CDR2L: variants seen among roughly 807,000 people sequenced by gnomAD.
CDR2L encodes cerebellar degeneration-related protein 2-like.
Under a neutral mutation model 36.1 loss-of-function variants are expected in CDR2L, and 19 were observed. That is an observed-to-expected ratio of 0.53 (90% CI 0.37 to 0.77). The LOEUF (loss-of-function observed/expected upper bound fraction) is 0.77, where lower values mean the gene tolerates loss of function less well. CDR2L is among the 30% of genes least tolerant of loss of function. The pLI is 0.00. For missense variants in CDR2L, 575 were observed against 627.2 expected, an observed-to-expected ratio of 0.92 and a Z score of 0.89; for synonymous variants, 285 against 280.4, an observed-to-expected ratio of 1.02 and a Z score of -0.16.
intron 1 of CDR2L, among the ~76,000 whole-genome samples, chr17:74,990,601 G>A (rs1255591391): frequency 6.6e-6 from 1 of 152,258 alleles, no homozygotes; most frequent in African/African-American, 2.4e-5. Context: ...CTCCCCAGGA[G>A]AGGGAGGGAA....
rs2039782466 is a variant in CDR2L, at chr17:74,989,410, A to ACACACACACACACACACACAC, written c.79+1288_79+1289insCACACACACACACACACACAC. Among the ~76,000 whole-genome samples, 1 of 130,684 alleles carries ACACACACACACACACACACAC rather than the reference A, an allele frequency of 7.7e-6. No homozygotes were observed. The highest frequency in any genetic ancestry group is 3.0e-5 in the African/African-American group (1 of 33,300). The allele number at this position is 130,684 out of a possible 152,430, so 85.7% of individuals were successfully genotyped here. Reference sequence around the variant, plus strand: ...CTGAAATGAGATACAGCTCCTCTCAAACACACACACACACACACACACACA... The same window carrying ACACACACACACACACACACAC: ...CTGAAATGAGATACAGCTCCTCTCAACACACACACACACACACACACACACACACACACACACACACACACA... On this transcript the variant is annotated intron_variant, in intron 1 of 4. Transcript: ENST00000337231. The surrounding 1 kb of genome is among the most constrained non-coding windows in gnomAD (Gnocchi z 4.2).
At chr17:74,991,228 C>A (rs2039794823) in intron 1 of CDR2L, among the ~76,000 whole-genome samples, 1 of 151,502 alleles carries the variant, frequency 6.6e-6, no homozygotes, top group African/African-American at 2.4e-5. Context: ...CATGGAGAAA[C>A]CCCGTCTCTA....
At position 75,003,347 on chromosome 17, in the gene CDR2L, T is replaced by G; in HGVS notation, c.671T>G (p.Leu224Arg). The G allele has an allele frequency of 6.4e-7, 1 of 1,557,410 alleles. No individual in the cohort carries two copies. The part of the protein sequence containing the change: ...ERAEREYTAV[L>R]QEYSELERQL... Reference sequence around the variant, plus strand: ...GCGGAGCGCGAGTACACCGCGGTGCTGCAGGAGTACTCGGAGCTGGAGCGC... The same window carrying G: ...GCGGAGCGCGAGTACACCGCGGTGCGGCAGGAGTACTCGGAGCTGGAGCGC... Residue 224 changes from leucine to arginine, a missense_variant, in exon 5 of 5, where the codon CTG becomes CGG. By Grantham distance (102) the Leu-to-Arg change is moderately radical. Transcript: ENST00000337231.
At chr17:74,995,101 T>C (rs2039817212) in intron 1 of CDR2L, among the ~76,000 whole-genome samples, 1 of 150,842 alleles carries the variant, frequency 6.6e-6, no homozygotes, top group African/African-American at 2.4e-5. Flanking sequence ...GGGGTCTCAC[T>C]GTGTTTCCCA....
chr17:75,003,236 C>A lies in CDR2L; in HGVS notation c.560C>A (p.Pro187His). Residue 187 changes from proline to histidine, a missense_variant, in exon 5 of 5, where the codon CCC becomes CAC. Physicochemically the swap from Pro to His is moderately conservative, Grantham distance 77. Coordinates refer to ENST00000337231, the MANE Select transcript of CDR2L (RefSeq NM_014603.3). ...TCCTCCCTGGAGCTGGGCCCGCGGC[C>A]CCTGGAGCAGGAGAACGAGCGGCTG... is the stretch of plus-strand genomic sequence containing the variant. ...HSSSLELGPR[P>H]LEQENERLQT... 1.3e-6 allele frequency: 2 copies of A among 1,565,036 alleles called. No homozygotes were observed. The highest frequency in any genetic ancestry group is 8.7e-7 in the Non-Finnish European group (1 of 1,155,748).
chr17:74,990,845 A>G (rs932942246), intron 1 of CDR2L, among the ~76,000 whole-genome samples: 1 of 152,216 alleles, frequency 6.6e-6, no homozygotes, highest in Admixed American at 6.5e-5. Flanking sequence ...GCATCTCCCA[A>G]CCCACAAATT....
chr17:74,993,519 G>A (rs547002713), intron 1 of CDR2L, among the ~76,000 whole-genome samples: 1 of 152,246 alleles, frequency 6.6e-6, no homozygotes, highest in Non-Finnish European at 1.5e-5. Flanking sequence ...TTTACAATTT[G>A]TAGATACCTC....
Position 75,001,410 on chromosome 17 carries a change from G to A in CDR2L, c.262G>A (p.Asp88Asn). The change falls in exon 3 of 5, where the codon GAC becomes AAC. Residue 88 changes from aspartate to asparagine, a missense_variant. Transcript: ENST00000337231. ...GCACGCCAAAGTCTATGAGCAGCTG[G>A]ACCTGACAGCCCGGGACCTGGAGCT... ...EQHAKVYEQL[D>N]LTARDLELTN... The A allele has an allele frequency of 6.2e-7, 1 of 1,610,682 alleles. No homozygotes were observed. Among genetic ancestry groups the A allele is most frequent in the Non-Finnish European group, 8.5e-7 (1 of 1,178,870 alleles).
At position 74,999,510 on chromosome 17, in the gene CDR2L, A is replaced by G; in HGVS notation, c.86A>G (p.His29Arg). Residue 29 changes from histidine (H) to arginine (R), a missense_variant, in exon 2 of 5, where the codon CAC becomes CGC. By Grantham distance (29) the His-to-Arg change is conservative (BLOSUM62 0). Coordinates refer to ENST00000337231, the MANE Select transcript of CDR2L (RefSeq NM_014603.3). The part of the protein sequence containing the change: ...YDQQDLEQDL[H>R]LAAELGKTLL... ...CGTGTTTCTCCTATCCTAGACTTGC[A>G]CCTAGCTGCGGAGCTGGGGAAGACT... 6.4e-7 allele frequency: 1 copy of G among 1,568,822 alleles called. No homozygotes were observed. The highest frequency in any genetic ancestry group is 8.6e-7 in the Non-Finnish European group (1 of 1,156,492).
At position 75,004,289 on chromosome 17, in the gene CDR2L, G is replaced by A. The variant is rs1014611828; in HGVS notation, c.*215G>A. The A allele has an allele frequency of 5.5e-6, 3 of 540,870 alleles. No homozygotes were observed. In the African/African-American group the frequency reaches 5.8e-5, roughly 10 times the overall value. 33.5% of individuals were successfully genotyped at this position (540,870 alleles called of 1,614,324 possible). ...CTTGGCCACCTCGCGCCAGCCCAAA[G>A]GCGCAGCTCTGAGTTCAAAGCCAAA... On this transcript the variant is annotated 3_prime_UTR_variant, in exon 5 of 5. Coordinates refer to ENST00000337231, the MANE Select transcript of CDR2L (RefSeq NM_014603.3).
Position 75,002,084 on chromosome 17 carries a change from G to A in CDR2L, c.362G>A (p.Arg121His), listed in dbSNP as rs139957978. ...CCCAGGCTGACGGAGACCATTGAGC[G>A]CCTCCAGGCTCAGGTGGAGGAGCTG... is the stretch of plus-strand genomic sequence containing the variant. ...KIHGLTETIE[R>H]LQAQVEELQA... Residue 121 changes from arginine (R) to histidine (H), a missense_variant, in exon 4 of 5, where the codon CGC becomes CAC. Physicochemically the swap from Arg to His is conservative, Grantham distance 29. Transcript: ENST00000337231. The surrounding 1 kb of genome is among the most constrained non-coding windows in gnomAD (Gnocchi z 4.1). 3.1e-5 allele frequency: 50 copies of A among 1,595,230 alleles called. No individual in the cohort carries two copies. The highest frequency in any genetic ancestry group is 4.1e-5 in the Non-Finnish European group (48 of 1,172,928).
Position 75,004,427 on chromosome 17 carries a change from CTT to C in CDR2L, c.*367_*368del, listed in dbSNP as rs5822063. ...CTGAAAGCCATTCTGGATCAGTTGGCTTTTTTTTTTTTTTTGGTTAAGTTTGT... is the reference window on the plus strand; with the variant it reads ...CTGAAAGCCATTCTGGATCAGTTGGCTTTTTTTTTTTTTGGTTAAGTTTGT... On this transcript the variant is annotated 3_prime_UTR_variant, in exon 5 of 5. Transcript: ENST00000337231. The C allele has an allele frequency of 0.068, 10,545 of 156,022 alleles. 460 individuals carry two copies. Among genetic ancestry groups the C allele is most frequent in the African/African-American group, 0.14 (5,760 of 40,112 alleles). The allele number at this position is 156,022 out of a possible 1,614,324, so 9.7% of individuals were successfully genotyped here. A position where few individuals can be genotyped will look rare whatever the true frequency, so the allele number is the denominator to read the frequency against.
intron 1 of CDR2L, 79 bp from the exon 2 acceptor site, chr17:74,999,425 G>A (rs2039850783): frequency 1.1e-6 from 1 of 938,894 alleles, no homozygotes. Context: ...GTTACATTGG[G>A]GTCACCTAGA....
At position 74,988,060 on chromosome 17, in the gene CDR2L, G is replaced by A; in HGVS notation, c.17G>A (p.Gly6Glu). Residue 6 changes from glycine to glutamate, a missense_variant, in exon 1 of 5, where the codon GGG becomes GAG. Coordinates refer to ENST00000337231, the MANE Select transcript of CDR2L (RefSeq NM_014603.3). MRRAA[G>E]MEDFSAEEEE... ...CGCGGGGCCATGCGGAGAGCCGCCG[G>A]GATGGAGGACTTCTCCGCGGAGGAA... 1 of 1,527,560 alleles carries A rather than the reference G, an allele frequency of 6.5e-7. No individual in the cohort carries two copies. The highest frequency in any genetic ancestry group is 2.7e-5 in the East Asian group (1 of 37,182). 94.6% of individuals were successfully genotyped at this position (1,527,560 alleles called of 1,614,324 possible). A position where few individuals can be genotyped will look rare whatever the true frequency, so the allele number is the denominator to read the frequency against.
In CDR2L at chr17:75,002,982, G is replaced by C. The variant is rs533116648; in HGVS notation, c.507-201G>C. ...CCAGGCAACCTGACAGAGGCGGTCC[G>C]TAGTGGTCAGCCTCCGGGGGCAGAG... On this transcript the variant is annotated intron_variant, in intron 4 of 4. Transcript: ENST00000337231. This position sits in a 1 kb window ranked among gnomAD's most constrained non-coding sequence, Gnocchi z 4.1. Among the ~76,000 whole-genome samples, 2 of 152,338 alleles carry C rather than the reference G, an allele frequency of 1.3e-5. No homozygotes were observed. Among genetic ancestry groups the C allele is most frequent in the South Asian group, 2.1e-4 (1 of 4,834 alleles).
At chr17:74,999,062 G>A (rs1292717755) in intron 1 of CDR2L, among the ~76,000 whole-genome samples, 12 of 152,102 alleles carry the variant, frequency 7.9e-5, no homozygotes, top group Non-Finnish European at 1.2e-4. Flanking sequence ...GAAGCCATGC[G>A]GACACTCCAG....
rs530208513 is a variant in CDR2L at position 74,997,537 on chromosome 17, A to C, written c.80-1967A>C. ...AATCTTCCAAAAAGACAAATTATGC[A>C]CTGATTCTGTCCTAGATACTGTCCT... On this transcript the variant is annotated intron_variant, in intron 1 of 4. Transcript: ENST00000337231. 9.9e-5 allele frequency among the ~76,000 whole-genome samples: 15 copies of C among 152,074 alleles called. No homozygotes were observed. The East Asian group carries it at 2.3e-3, about 24-fold the overall frequency.
chr17:75,002,084 G>C lies in CDR2L; in HGVS notation c.362G>C (p.Arg121Pro). 1 of 1,595,354 alleles carries C rather than the reference G, an allele frequency of 6.3e-7. No individual in the cohort carries two copies. Among genetic ancestry groups the C allele is most frequent in the African/African-American group, 1.3e-5 (1 of 74,318 alleles). ...CCCAGGCTGACGGAGACCATTGAGC[G>C]CCTCCAGGCTCAGGTGGAGGAGCTG... ...KIHGLTETIE[R>P]LQAQVEELQA... The change falls in exon 4 of 5, where the codon CGC becomes CCC. Residue 121 changes from arginine to proline, a missense_variant. Coordinates refer to ENST00000337231, the MANE Select transcript of CDR2L (RefSeq NM_014603.3). This position sits in a 1 kb window ranked among gnomAD's most constrained non-coding sequence, Gnocchi z 4.1.
rs1433703204 is a variant in CDR2L at position 75,004,000 on chromosome 17, G to T, written c.1324G>T (p.Glu442Ter). Residue 442 changes from glutamate (E) to a stop codon, truncating the protein, a stop_gained, in exon 5 of 5, where the codon GAG becomes TAG. Transcript: ENST00000337231. LOFTEE classifies it high-confidence loss of function. Reference sequence around the variant, plus strand: ...GCCCGAGTACAAGGCGCTCTTCAAAGAGATCTTCTCCAGGATCCAGAAGAC... The same window carrying T: ...GCCCGAGTACAAGGCGCTCTTCAAATAGATCTTCTCCAGGATCCAGAAGAC... Reference protein sequence around the residue: ...SQPEYKALFKEIFSRIQKTKA... With the variant: ...SQPEYKALFK 1 of 1,610,452 alleles carries T rather than the reference G, an allele frequency of 6.2e-7. No individual in the cohort carries two copies. Among genetic ancestry groups the T allele is most frequent in the East Asian group, 2.2e-5 (1 of 44,746 alleles).
Sources: gnomAD v4.1 joint callset for allele counts (sites outside exome capture counted in the v4.1 genomes callset) on GRCh38, gnomAD v4.1.1 for gene constraint, Gnocchi (gnomAD v3.1) non-coding constraint, MANE v1.5 for transcripts, NCBI Gene and HGNC (gene_info 2026-07-23, HGNC 2026-07-21) for gene names.